The following STK33 variants were observed in gnomAD, a reference collection of about 807,000 sequenced individuals.
STK33 encodes serine/threonine kinase 33, also known as serine/threonine-protein kinase 33.
In STK33, 52 loss-of-function variants were observed where a neutral mutation model predicts 58.0. That is an observed-to-expected ratio of 0.90 (90% CI 0.72 to 1.13). STK33 has a LOEUF of 1.13. Among genes scored for constraint, STK33 ranks in the 50% most tolerant of loss-of-function variants. The pLI is 0.00. For missense variants in STK33, 630 were observed against 604.2 expected, an observed-to-expected ratio of 1.04 and a Z score of -0.45; for synonymous variants, 215 against 200.1, an observed-to-expected ratio of 1.07 and a Z score of -0.63.
At chr11:8,490,581 G>A (rs561478875) in intron 1 of STK33, among the ~76,000 whole-genome samples, 1 of 152,324 alleles carries the variant, frequency 6.6e-6, no homozygotes, top group South Asian at 2.1e-4. Context: ...TCCCAGCATG[G>A]TGTTTGAGCT....
the STK33 span, among the ~76,000 whole-genome samples, chr11:8,345,998 A>C: frequency 6.6e-6 from 1 of 152,280 alleles, no homozygotes; most frequent in East Asian, 1.9e-4. Context: ...CCCTACAGAA[A>C]TCCTTCAAGG....
intron 2 of STK33, among the ~76,000 whole-genome samples, chr11:8,479,657 ATAT>A (rs1949626844): frequency 6.6e-6 from 1 of 151,986 alleles, no homozygotes; most frequent in Non-Finnish European, 1.5e-5. Flanking sequence ...AGCCTGGCCA[ATAT>A]GGTGAAACCC....
intron 11 of STK33, among the ~76,000 whole-genome samples, chr11:8,443,263 GCA>G (rs1944995139): frequency 6.6e-6 from 1 of 152,060 alleles, no homozygotes. Context: ...CATTTAATAA[GCA>G]CACACAGAAA....
chr11:8,434,652 C>T (rs1426074064), intron 14 of STK33, among the ~76,000 whole-genome samples: 3 of 152,164 alleles, frequency 2.0e-5, no homozygotes, highest in African/African-American at 7.2e-5. Context: ...TCTTGTTGCT[C>T]TGCCATTTCC....
intron 15 of STK33, among the ~76,000 whole-genome samples, chr11:8,409,348 A>G (rs1336789911): frequency 6.6e-6 from 1 of 152,246 alleles, no homozygotes; most frequent in Non-Finnish European, 1.5e-5. Flanking sequence ...GGTGACAGAA[A>G]TAGAAGAGAG....
chr11:8,480,754 T>C (rs1009392654), intron 1 of STK33, 140 bp from the exon 2 acceptor site: 3 of 152,122 alleles, frequency 2.0e-5, no homozygotes, highest in Non-Finnish European at 2.9e-5. Flanking sequence ...AGACAAAAAA[T>C]TCAATAGATT....
chr11:8,364,338 C>G, the STK33 span, among the ~76,000 whole-genome samples: 1 of 152,176 alleles, frequency 6.6e-6, no homozygotes, highest in East Asian at 1.9e-4. Context: ...TTAACTAATT[C>G]CTTCTTTCAG....
the STK33 span, among the ~76,000 whole-genome samples, chr11:8,340,844 C>CTTTTG: frequency 6.6e-6 from 1 of 152,060 alleles, no homozygotes; most frequent in African/African-American, 2.4e-5. Context: ...AGGGGCCTAG[C>CTTTTG]TTTTGTTTTG....
chr11:8,346,068 G>A, the STK33 span, among the ~76,000 whole-genome samples: 1 of 152,356 alleles, frequency 6.6e-6, no homozygotes, highest in East Asian at 1.9e-4. Context: ...TGAGTGCCAT[G>A]AGAAGAGTTT....
intron 1 of STK33, among the ~76,000 whole-genome samples, chr11:8,551,446 A>G (rs763163694): frequency 1.4e-4 from 22 of 152,248 alleles, no homozygotes; most frequent in Non-Finnish European, 2.5e-4. Context: ...TGAATTCTTT[A>G]TCAGACATTT....
chr11:8,440,361 G>C (rs1313785743), intron 12 of STK33, among the ~76,000 whole-genome samples: 1 of 152,130 alleles, frequency 6.6e-6, no homozygotes, highest in Non-Finnish European at 1.5e-5. Flanking sequence ...TGAACCTCAT[G>C]AGAAAACACA....
intron 1 of STK33, among the ~76,000 whole-genome samples, chr11:8,564,025 C>A (rs1957287390): frequency 6.6e-6 from 1 of 152,168 alleles, no homozygotes; most frequent in Non-Finnish European, 1.5e-5. Context: ...TGTTAAAGAT[C>A]TGAGGCTCTA....
chr11:8,516,692 G>C (rs1376742468), intron 1 of STK33, among the ~76,000 whole-genome samples: 1 of 152,226 alleles, frequency 6.6e-6, no homozygotes, highest in East Asian at 1.9e-4. Context: ...TATATCCCGT[G>C]CCTGGCTTGG....
chr11:8,416,868 T>C (rs1306060032), intron 14 of STK33, among the ~76,000 whole-genome samples: 1 of 152,212 alleles, frequency 6.6e-6, no homozygotes, highest in Non-Finnish European at 1.5e-5. Context: ...GACTAGGTGG[T>C]ATAGAGTCCA....
At chr11:8,380,297 T>C in the STK33 span, among the ~76,000 whole-genome samples, 9 of 152,172 alleles carry the variant, frequency 5.9e-5, no homozygotes, top group African/African-American at 1.2e-4. Context: ...CAGTGGTTCA[T>C]GCCTGTAGTC....
chr11:8,355,955 C>G, the STK33 span, among the ~76,000 whole-genome samples: 1 of 152,198 alleles, frequency 6.6e-6, no homozygotes, highest in Non-Finnish European at 1.5e-5. Context: ...TGCAGTGAGG[C>G]TGCAGACCTG....
At position 8,413,706 on chromosome 11, in the gene STK33, T is replaced by A. The variant is rs1327293229; in HGVS notation, c.1147-14A>T. On this transcript the variant is annotated splice_polypyrimidine_tract_variant and intron_variant, in intron 14 of 15. Transcript: ENST00000687296. Reference sequence around the variant, plus strand: ...AAGTTTATTGCCCTAATATTAACAATCAATTTTTGGTGTTATAAACAACTT... The same window carrying A: ...AAGTTTATTGCCCTAATATTAACAAACAATTTTTGGTGTTATAAACAACTT... 1.2e-6 allele frequency: 2 copies of A among 1,609,598 alleles called. No individual in the cohort carries two copies. Among genetic ancestry groups the A allele is most frequent in the South Asian group, 2.2e-5 (2 of 90,616 alleles).
chr11:8,440,197 CACA>C (rs1284571951), intron 12 of STK33, among the ~76,000 whole-genome samples: 3 of 152,154 alleles, frequency 2.0e-5, no homozygotes, highest in East Asian at 3.9e-4. Context: ...GCTCCAGCAG[CACA>C]ACATCATTAT....
the STK33 span, among the ~76,000 whole-genome samples, chr11:8,348,810 T>A: frequency 6.6e-6 from 1 of 152,168 alleles, no homozygotes; most frequent in Non-Finnish European, 1.5e-5. Flanking sequence ...CCTGCTTCAA[T>A]AACCCTGAGC....
Sources: gnomAD v4.1 joint callset for allele counts (sites outside exome capture counted in the v4.1 genomes callset) on GRCh38, gnomAD v4.1.1 for gene constraint, MANE v1.5 for transcripts, NCBI Gene and HGNC (gene_info 2026-07-23, HGNC 2026-07-21) for gene names.